SP140L: variants seen among roughly 807,000 people sequenced by gnomAD.
SP140L encodes nuclear body protein SP140-like protein.
SP140L carries 64 observed loss-of-function variants against 84.3 expected under a neutral mutation model. That is an observed-to-expected ratio of 0.76 (90% CI 0.62 to 0.94). The LOEUF (loss-of-function observed/expected upper bound fraction) is 0.94. Ranked by LOEUF, SP140L falls within the 40% of genes least tolerant of loss-of-function variation. The pLI is 0.00. For synonymous variants in SP140L, 242 were observed against 236.9 expected (o/e 1.02, Z -0.20); for missense variants, 628 against 692.5 (o/e 0.91, Z 1.05).
At chr2:230,358,609 G>C (rs959725284) in intron 3 of SP140L, among the ~76,000 whole-genome samples, 2 of 152,070 alleles carry the variant, frequency 1.3e-5, no homozygotes, top group African/African-American at 4.8e-5. Context: ...GGAAGAGCAG[G>C]GGTTGCCCAG....
chr2:230,383,657 C>T lies in SP140L; in HGVS notation c.703+82C>T, dbSNP rs982606463. The stretch of plus-strand genomic sequence containing the variant: ...TGTATTCTGGAAGGCCTGCAGTTCA[C>T]GAGGGCCAGGAGAGTTCTGTACTTC... On this transcript the variant is annotated intron_variant, in intron 8 of 18. Transcript: ENST00000415673. 48 of 1,372,510 alleles carry T rather than the reference C, an allele frequency of 3.5e-5. No individual in the cohort carries two copies. In the Admixed American group the frequency reaches 4.5e-4, roughly 13 times the overall value. 85.0% of individuals were successfully genotyped at this position (1,372,510 alleles called of 1,614,324 possible). A position where few individuals can be genotyped will look rare whatever the true frequency, so the allele number is the denominator to read the frequency against.
chr2:230,359,828 A>G (rs1191785233), intron 4 of SP140L, among the ~76,000 whole-genome samples: 1 of 151,592 alleles, frequency 6.6e-6, no homozygotes, highest in Non-Finnish European at 1.5e-5. Flanking sequence ...TTAGTGAAGG[A>G]TAAATAGTTT....
At chr2:230,363,000 G>A (rs2060766596) in intron 5 of SP140L, among the ~76,000 whole-genome samples, 1 of 152,174 alleles carries the variant, frequency 6.6e-6, no homozygotes, top group South Asian at 2.1e-4. Context: ...AGGGTGTGGT[G>A]TAAACGCACA....
intron 2 of SP140L, among the ~76,000 whole-genome samples, chr2:230,349,584 A>G (rs1011559598): frequency 1.3e-5 from 2 of 152,206 alleles, no homozygotes; most frequent in Non-Finnish European, 1.5e-5. Flanking sequence ...CTGTTTGTTC[A>G]TTCCTAAATG....
chr2:230,385,282 G>C lies in SP140L; in HGVS notation c.762G>C (p.Leu254=), dbSNP rs367955475. Residue 254 remains leucine (L), a synonymous_variant, in exon 9 of 19, where the codon CTG becomes CTC. Transcript: ENST00000415673. ...GTGAAAAGAAGGCGAACATGAATCT[G>C]AAAGACCTTTCCAAGATTAGGGGTA... is the stretch of plus-strand genomic sequence containing the variant. ...VSSEKKANMN[L]KDLSKIRGRK... 4.3e-6 allele frequency: 7 copies of C among 1,613,588 alleles called. No individual in the cohort carries two copies. Among genetic ancestry groups the C allele is most frequent in the Non-Finnish European group, 5.9e-6 (7 of 1,179,724 alleles).
intron 7 of SP140L, 133 bp downstream of exon 7, chr2:230,371,784 A>C: frequency 1.2e-6 from 1 of 806,974 alleles, no homozygotes; most frequent in South Asian, 1.6e-5. Context: ...TGGCCACCCC[A>C]AAAAACGTCC....
At chr2:230,343,844 C>T (rs1026312612) in intron 2 of SP140L, among the ~76,000 whole-genome samples, 2 of 152,140 alleles carry the variant, frequency 1.3e-5, no homozygotes, top group East Asian at 3.9e-4. Context: ...TTTATGGCTG[C>T]TTTCTTAATC....
chr2:230,364,176 T>A (rs2060801874), intron 5 of SP140L, among the ~76,000 whole-genome samples: 1 of 152,196 alleles, frequency 6.6e-6, no homozygotes, highest in Admixed American at 6.5e-5. Context: ...AATTTTTAAT[T>A]GTTTTTCTAT....
At chr2:230,361,485 A>G in intron 4 of SP140L, 129 bp from the exon 5 acceptor site, 1 of 630,074 alleles carries the variant, frequency 1.6e-6, no homozygotes, top group South Asian at 2.0e-5. Flanking sequence ...GTCCCAGAAG[A>G]TGATAGGAGA....
chr2:230,343,275 C>T (rs1159079727), intron 2 of SP140L, among the ~76,000 whole-genome samples: 1 of 147,572 alleles, frequency 6.8e-6, no homozygotes, highest in Non-Finnish European at 1.5e-5. Context: ...TGTTGTTCCT[C>T]CCATGTGTTC....
intron 7 of SP140L, among the ~76,000 whole-genome samples, chr2:230,380,435 G>A (rs888174580): frequency 1.3e-5 from 2 of 152,164 alleles, no homozygotes; most frequent in African/African-American, 4.8e-5. Flanking sequence ...TTTCAGGGTT[G>A]CAGACATCAG....
chr2:230,372,867 A>G (rs928676270), intron 7 of SP140L: 1 of 152,216 alleles, frequency 6.6e-6, no homozygotes. Context: ...ATAATTGGCC[A>G]AGTTATGAAT....
At chr2:230,382,850 C>T (rs1051470790) in intron 7 of SP140L, among the ~76,000 whole-genome samples, 1 of 152,162 alleles carries the variant, frequency 6.6e-6, no homozygotes, top group African/African-American at 2.4e-5. Flanking sequence ...AGATGAGGGA[C>T]GTCAGAAAAT....
intron 7 of SP140L, among the ~76,000 whole-genome samples, chr2:230,382,607 C>CGATT (rs1157101752): frequency 5.9e-5 from 9 of 152,128 alleles, no homozygotes; most frequent in Non-Finnish European, 1.5e-5. Flanking sequence ...AAATCTGAAT[C>CGATT]CCCTGGGCAC....
intron 11 of SP140L, 163 bp from the exon 12 acceptor site, chr2:230,391,924 C>A (rs1378870482): frequency 6.7e-6 from 6 of 899,268 alleles, no homozygotes; most frequent in Non-Finnish European, 8.4e-6. Flanking sequence ...AGGGGACTTT[C>A]AGGCTGGATT....
At chr2:230,381,711 T>TACACACACACACACACACAC (rs71052506) in intron 7 of SP140L, among the ~76,000 whole-genome samples, 2 of 147,056 alleles carry the variant, frequency 1.4e-5, no homozygotes. Context: ...CCTGTCTCTC[T>TACACACACACACACACACAC]ACACACACAC....
intron 5 of SP140L, among the ~76,000 whole-genome samples, chr2:230,366,931 C>A (rs921848776): frequency 2.1e-4 from 32 of 152,036 alleles, no homozygotes; most frequent in African/African-American, 7.5e-4. Context: ...TGGGGTTTCA[C>A]CATGTTACCC....
intron 9 of SP140L, among the ~76,000 whole-genome samples, chr2:230,386,993 A>G (rs2061609818): frequency 6.6e-6 from 1 of 152,154 alleles, no homozygotes; most frequent in Admixed American, 6.5e-5. Context: ...GGGGTGAAGC[A>G]TTGAAGAGGA....
At chr2:230,363,434 A>G (rs1243290551) in intron 5 of SP140L, among the ~76,000 whole-genome samples, 1 of 151,288 alleles carries the variant, frequency 6.6e-6, no homozygotes, top group East Asian at 1.9e-4. Context: ...GCATTTTTTC[A>G]CATACCTGAT....
Sources: gnomAD v4.1 joint callset for allele counts (sites outside exome capture counted in the v4.1 genomes callset) on GRCh38, gnomAD v4.1.1 for gene constraint, MANE v1.5 for transcripts, NCBI Gene and HGNC (gene_info 2026-07-23, HGNC 2026-07-21) for gene names.